The following TRIM67 variants were observed in gnomAD, a reference collection of about 807,000 sequenced individuals.
TRIM67 encodes the protein tripartite motif-containing protein 67.
Under a neutral mutation model 71.0 loss-of-function variants are expected in TRIM67, and 39 were observed. The observed-to-expected ratio is 0.55, with a 90% CI of 0.43 to 0.72. The LOEUF (loss-of-function observed/expected upper bound fraction) is 0.72, where lower values mean the gene tolerates loss of function less well. TRIM67 is among the 30% of genes least tolerant of loss of function. The pLI is 0.00. For synonymous variants in TRIM67, 481 were observed against 473.9 expected (o/e 1.01, Z -0.19); for missense variants, 973 against 1,079.2 (o/e 0.90, Z 1.38).
At position 231,221,529 on chromosome 1, in the gene TRIM67, T is replaced by A. The variant is rs1450892925; in HGVS notation, c.*6089T>A. 6.6e-6 allele frequency: 1 copy of A among 152,664 alleles called. No homozygotes were observed. The highest frequency in any genetic ancestry group is 1.5e-5 in the Non-Finnish European group (1 of 68,042). The allele number at this position is 152,664 out of a possible 1,614,324, so 9.5% of individuals were successfully genotyped here. A position where few individuals can be genotyped will look rare whatever the true frequency, so the allele number is the denominator to read the frequency against. ...AGTTTTACCACAGTCTTAAGCAGATTTGAAATAAATTCTTTTGACACTGCC... is the reference window on the plus strand; with the variant it reads ...AGTTTTACCACAGTCTTAAGCAGATATGAAATAAATTCTTTTGACACTGCC... On this transcript the variant is annotated 3_prime_UTR_variant, in exon 10 of 10. Coordinates refer to ENST00000366653, the MANE Select transcript of TRIM67 (RefSeq NM_001004342.5).
At chr1:231,215,155 T>A (rs538229355) in intron 9 of TRIM67, among the ~76,000 whole-genome samples, 1 of 152,336 alleles carries the variant, frequency 6.6e-6, no homozygotes, top group African/African-American at 2.4e-5. Context: ...ACCAGTCAGC[T>A]GGGTGATTCT....
chr1:231,220,356 A>G lies in TRIM67; in HGVS notation c.*4916A>G, dbSNP rs7553578. 0.039 allele frequency: 6,834 copies of G among 176,274 alleles called. 171 individuals carry two copies. Among genetic ancestry groups the G allele is most frequent in the African/African-American group, 0.051 (2,146 of 42,136 alleles). The allele number at this position is 176,274 out of a possible 1,614,324, so 10.9% of individuals were successfully genotyped here. ...TTGAATGGCGCTCTGTGTGAGTGCT[A>G]TGAACAGGCTACCTGTCAGCAGTCT... On this transcript the variant is annotated 3_prime_UTR_variant, in exon 10 of 10. Coordinates refer to ENST00000366653, the MANE Select transcript of TRIM67 (RefSeq NM_001004342.5).
intron 1 of TRIM67, among the ~76,000 whole-genome samples, chr1:231,196,527 G>A (rs1005208575): frequency 6.6e-6 from 1 of 151,152 alleles, no homozygotes; most frequent in Non-Finnish European, 1.5e-5. Context: ...AGTGAGTCAT[G>A]ATTGAGCCAC....
intron 7 of TRIM67, among the ~76,000 whole-genome samples, chr1:231,207,128 G>T (rs1240309071): frequency 6.6e-6 from 1 of 152,164 alleles, no homozygotes; most frequent in East Asian, 1.9e-4. Context: ...CACCCACATG[G>T]CCTACAAGCC....
chr1:231,198,937 C>A, intron 2 of TRIM67, 110 bp from the exon 3 acceptor site: 1 of 1,521,714 alleles, frequency 6.6e-7, no homozygotes, highest in Middle Eastern at 1.7e-4. Context: ...ATAGAGAAAT[C>A]TAGGATGAAC....
intron 2 of TRIM67, among the ~76,000 whole-genome samples, chr1:231,198,093 T>C (rs1172441792): frequency 6.6e-6 from 1 of 152,230 alleles, no homozygotes; most frequent in Non-Finnish European, 1.5e-5. Context: ...TGCCATGTCG[T>C]CGTCCTTTGT....
intron 1 of TRIM67, among the ~76,000 whole-genome samples, chr1:231,191,765 G>T (rs1355007108): frequency 6.6e-6 from 1 of 152,200 alleles, no homozygotes; most frequent in African/African-American, 2.4e-5. Flanking sequence ...GGTTTGGAAT[G>T]ACCACAAGGC....
intron 1 of TRIM67, among the ~76,000 whole-genome samples, chr1:231,190,557 G>A (rs1683203566): frequency 6.6e-6 from 1 of 152,142 alleles, no homozygotes; most frequent in Non-Finnish European, 1.5e-5. Context: ...GCGGCCCCCG[G>A]CGTAACATAC....
rs1332867571 is a variant in TRIM67 at position 231,163,324 on chromosome 1, C to A, written c.355C>A (p.Leu119Ile). The A allele has an allele frequency of 2.6e-6, 4 of 1,522,260 alleles. No individual in the cohort carries two copies. The highest frequency in any genetic ancestry group is 1.4e-5 in the African/African-American group (1 of 69,790). 94.3% of individuals were successfully genotyped at this position (1,522,260 alleles called of 1,614,324 possible). The stretch of plus-strand genomic sequence containing the variant: ...CGGCTACGGGTCCTACACCCCGAGC[C>A]TCAAGTCCCCCAACGGGGTTCGCGT... The part of the protein sequence containing the change: ...DSGYGSYTPS[L>I]KSPNGVRVLP... Residue 119 changes from leucine (L) to isoleucine (I), a missense_variant, in exon 1 of 10, where the codon CTC (leucine) becomes ATC (isoleucine). Leu to Ile is a conservative substitution (Grantham distance 5, BLOSUM62 2). This residue lies in a region of TRIM67 where 795 missense variants were observed against 831.3 expected (regional missense o/e 0.96). Coordinates refer to ENST00000366653, the MANE Select transcript of TRIM67 (RefSeq NM_001004342.5).
At position 231,209,361 on chromosome 1, in the gene TRIM67, G is replaced by A. The variant is rs550282206; in HGVS notation, c.2123+111G>A. 3.0e-4 allele frequency: 378 copies of A among 1,252,668 alleles called. No homozygotes were observed. Among genetic ancestry groups the A allele is most frequent in the Non-Finnish European group, 3.3e-4 (305 of 933,370 alleles). 77.6% of individuals were successfully genotyped at this position (1,252,668 alleles called of 1,614,324 possible). On this transcript the variant is annotated intron_variant, in intron 8 of 9. Coordinates refer to ENST00000366653, the MANE Select transcript of TRIM67 (RefSeq NM_001004342.5). This position sits in a 1 kb window ranked among gnomAD's most constrained non-coding sequence, Gnocchi z 4.1. ...CCAAAGCCAGGAGGAATTGAGAGGA[G>A]GTATTTTCAGCCACTTTGGTCTCCA...
chr1:231,171,471 G>C (rs146656060), intron 1 of TRIM67, among the ~76,000 whole-genome samples: 51 of 152,300 alleles, frequency 3.3e-4, no homozygotes, highest in African/African-American at 1.0e-3. Flanking sequence ...AATCAGCAAA[G>C]AGAATGCTTT....
Position 231,197,436 on chromosome 1 carries a change from T to G in TRIM67, c.1110T>G (p.Val370=). The change falls in exon 2 of 10, where the codon GTT becomes GTG. Residue 370 remains valine, a synonymous_variant. Transcript: ENST00000366653. Reference sequence around the variant, plus strand: ...CAAAGGAAGCAAAGGAGTTTCTGGTTCAGCTAAAGAACATATTGCAGCAGA... The same window carrying G: ...CAAAGGAAGCAAAGGAGTTTCTGGTGCAGCTAAAGAACATATTGCAGCAGA... The part of the protein sequence containing the change: ...DKAKEAKEFL[V]QLKNILQQIQ... 6.2e-7 allele frequency: 1 copy of G among 1,614,046 alleles called. No individual in the cohort carries two copies. Among genetic ancestry groups the G allele is most frequent in the South Asian group, 1.1e-5 (1 of 91,088 alleles).
intron 1 of TRIM67, among the ~76,000 whole-genome samples, chr1:231,190,715 A>G (rs1304034580): frequency 6.6e-6 from 1 of 152,072 alleles, no homozygotes; most frequent in Non-Finnish European, 1.5e-5. Context: ...TGTGGCCTGG[A>G]TCCTCAGGGC....
At position 231,217,277 on chromosome 1, in the gene TRIM67, T is replaced by C. The variant is rs547866404; in HGVS notation, c.*1837T>C. The C allele has an allele frequency of 3.0e-6, 3 of 986,100 alleles. No homozygotes were observed. The highest frequency in any genetic ancestry group is 4.7e-5 in the South Asian group (1 of 21,284). 61.1% of individuals were successfully genotyped at this position (986,100 alleles called of 1,614,324 possible). A position where few individuals can be genotyped will look rare whatever the true frequency, so the allele number is the denominator to read the frequency against. ...AGTCTCTGCTGCGGAGCCTGGGAGC[T>C]ATCTGCTTCATGGAAGTCTAGGTCT... On this transcript the variant is annotated 3_prime_UTR_variant, in exon 10 of 10. Coordinates refer to ENST00000366653, the MANE Select transcript of TRIM67 (RefSeq NM_001004342.5).
intron 7 of TRIM67, among the ~76,000 whole-genome samples, chr1:231,207,401 C>T (rs1312709356): frequency 6.6e-6 from 1 of 152,196 alleles, no homozygotes; most frequent in Admixed American, 6.5e-5. Context: ...TCTTGGGCAA[C>T]AACAGCATGT....
chr1:231,166,918 T>C (rs1251871524), intron 1 of TRIM67, among the ~76,000 whole-genome samples: 1 of 152,142 alleles, frequency 6.6e-6, no homozygotes, highest in Non-Finnish European at 1.5e-5. Context: ...AGCTTTTGGT[T>C]GTTTGCTTCT....
rs537363821 is a variant in TRIM67 at position 231,214,592 on chromosome 1, C to T, written c.2286+615C>T. On this transcript the variant is annotated intron_variant, in intron 9 of 9. Coordinates refer to ENST00000366653, the MANE Select transcript of TRIM67 (RefSeq NM_001004342.5). ...GAGATCGAGACCATCCTGGCTAACA[C>T]GGTGAAACCCTGTCTCTACTAAAAA... Among the ~76,000 whole-genome samples, 20 of 151,092 alleles carry T rather than the reference C, an allele frequency of 1.3e-4. No individual in the cohort carries two copies. In the South Asian group the frequency reaches 2.3e-3, roughly 17 times the overall value.
intron 1 of TRIM67, among the ~76,000 whole-genome samples, chr1:231,176,993 A>C (rs1003337280): frequency 6.6e-6 from 1 of 150,968 alleles, no homozygotes; most frequent in African/African-American, 2.4e-5. Flanking sequence ...GGGTAAAAAC[A>C]AAAGAAGTGA....
In TRIM67 at chr1:231,167,471, C is replaced by A. The variant is rs1682505499; in HGVS notation, c.1044+3458C>A. ...CCAAGTAGCTGGGACTACAGGCGCCCGCCACTACGCCCGGCTAATTTTTTG... is the reference window on the plus strand; with the variant it reads ...CCAAGTAGCTGGGACTACAGGCGCCAGCCACTACGCCCGGCTAATTTTTTG... On this transcript the variant is annotated intron_variant, in intron 1 of 9. Transcript: ENST00000366653. Among the ~76,000 whole-genome samples, 2 of 125,974 alleles carry A rather than the reference C, an allele frequency of 1.6e-5. 1 individual carries two copies. The allele number at this position is 125,974 out of a possible 152,430, so 82.6% of individuals were successfully genotyped here. A position where few individuals can be genotyped will look rare whatever the true frequency, so the allele number is the denominator to read the frequency against.
Sources: gnomAD v4.1 joint callset for allele counts (sites outside exome capture counted in the v4.1 genomes callset) on GRCh38, gnomAD v4.1.1 for gene constraint, gnomAD v4.1.1 regional missense constraint, Gnocchi (gnomAD v3.1) non-coding constraint, MANE v1.5 for transcripts, NCBI Gene and HGNC (gene_info 2026-07-23, HGNC 2026-07-21) for gene names.